Variants in RTN4 observed in about 807,000 individuals in gnomAD.
RTN4 encodes the protein reticulon-4.
A neutral mutation model predicts 90.4 loss-of-function variants in RTN4; 32 were observed. That is an observed-to-expected ratio of 0.35 (90% confidence interval 0.27 to 0.48). The LOEUF is 0.48. RTN4 is among the 20% of genes least tolerant of loss of function. The pLI, the probability that RTN4 is intolerant of heterozygous loss-of-function variation, is 0.99. For synonymous variants in RTN4, 629 were observed against 552.5 expected (o/e 1.14, Z -1.94); for missense variants, 1,706 against 1,430.2 (o/e 1.19, Z -3.11).
chr2:54,986,442 G>A (rs1328575966), intron 4 of RTN4, among the ~76,000 whole-genome samples: 5 of 152,190 alleles, frequency 3.3e-5, no homozygotes, highest in Admixed American at 2.0e-4. Flanking sequence ...ACATGAATGA[G>A]CATGGCTGTG....
At chr2:55,072,160 C>CA (rs1199072471) in intron 2 of RTN4, among the ~76,000 whole-genome samples, 20 of 124,132 alleles carry the variant, frequency 1.6e-4, no homozygotes, top group African/African-American at 2.0e-4. Context: ...TTTTTTTTTT[C>CA]AAAAAAAAAT....
chr2:55,132,947 C>T, the RTN4 span, among the ~76,000 whole-genome samples: 4 of 150,946 alleles, frequency 2.6e-5, no homozygotes, highest in East Asian at 7.8e-4. Flanking sequence ...TGTGGTGGCT[C>T]ACACCTGTAA....
upstream of RTN4, among the ~76,000 whole-genome samples, chr2:55,117,031 G>C (rs959903459): frequency 6.6e-6 from 1 of 151,966 alleles, no homozygotes; most frequent in Non-Finnish European, 1.5e-5. Flanking sequence ...TCGCCACCAT[G>C]CCTGGCTGAT....
intron 2 of RTN4, among the ~76,000 whole-genome samples, chr2:55,074,517 C>CAAAAAAAA (rs778275041): frequency 1.3e-4 from 8 of 59,608 alleles, no homozygotes; most frequent in Non-Finnish European, 2.2e-4. Flanking sequence ...CTGCCCTCAC[C>CAAAAAAAA]AAAAAAAAAA....
intron 3 of RTN4, among the ~76,000 whole-genome samples, chr2:55,004,867 A>G (rs999465234): frequency 2.0e-5 from 3 of 152,168 alleles, no homozygotes; most frequent in African/African-American, 7.2e-5. Flanking sequence ...GGGAAAAAAA[A>G]GTACAAAATG....
chr2:54,975,908 A>C (rs544707791), intron 5 of RTN4, among the ~76,000 whole-genome samples: 2 of 152,346 alleles, frequency 1.3e-5, no homozygotes, highest in South Asian at 4.1e-4. Context: ...TGTCAATTGA[A>C]AAAAAATTTT....
chr2:55,049,626 G>T, intron 1 of RTN4, 119 bp downstream of exon 1: 1 of 1,494,832 alleles, frequency 6.7e-7, no homozygotes, highest in Non-Finnish European at 9.1e-7. Flanking sequence ...TCGCCCCGAA[G>T]TCCGCAGACA....
upstream of RTN4, among the ~76,000 whole-genome samples, chr2:55,115,494 G>A (rs1488943748): frequency 6.6e-6 from 1 of 152,194 alleles, no homozygotes; most frequent in East Asian, 1.9e-4. Context: ...CATCTATGGA[G>A]AGGAGGCACG....
chr2:54,981,975 A>T (rs1443605962), intron 5 of RTN4, among the ~76,000 whole-genome samples: 1 of 151,578 alleles, frequency 6.6e-6, no homozygotes, highest in African/African-American at 2.4e-5. Context: ...TTTTTTTGAG[A>T]CAGAGTTTCA....
chr2:55,069,104 A>C (rs1297477913), intron 2 of RTN4, among the ~76,000 whole-genome samples: 1 of 152,260 alleles, frequency 6.6e-6, no homozygotes, highest in Non-Finnish European at 1.5e-5. Context: ...TGGACCTTGC[A>C]GACTTTCTGA....
At chr2:54,974,191 CTG>C (rs1677406514) in intron 6 of RTN4, 1 of 275,982 alleles carries the variant, frequency 3.6e-6, no homozygotes, top group Non-Finnish European at 6.9e-6. Context: ...TGGTTTATCA[CTG>C]TTTGTTAGTA....
chr2:55,104,844 T>C (rs1667913990), intron 1 of RTN4, among the ~76,000 whole-genome samples: 1 of 152,092 alleles, frequency 6.6e-6, no homozygotes, highest in African/African-American at 2.4e-5. Flanking sequence ...TCTCATTCTG[T>C]CGCCCAGGCT....
chr2:55,116,924 A>G (rs1668136503), upstream of RTN4, among the ~76,000 whole-genome samples: 1 of 127,132 alleles, frequency 7.9e-6, no homozygotes, highest in African/African-American at 3.1e-5. Flanking sequence ...CCCAGGCTGG[A>G]GTGCAGTGGT....
intron 3 of RTN4, among the ~76,000 whole-genome samples, chr2:55,006,805 C>A (rs1174235826): frequency 7.2e-5 from 11 of 152,086 alleles, no homozygotes; most frequent in Non-Finnish European, 4.4e-5. Context: ...ATTCTTTCCC[C>A]CCTTAGTATC....
the RTN4 span, among the ~76,000 whole-genome samples, chr2:55,122,383 T>G: frequency 1.3e-5 from 2 of 152,142 alleles, no homozygotes; most frequent in African/African-American, 4.8e-5. Context: ...CCCACCAAGG[T>G]TTGCACACAT....
intron 2 of RTN4, among the ~76,000 whole-genome samples, chr2:55,071,373 A>G (rs1315643505): frequency 6.6e-6 from 1 of 152,024 alleles, no homozygotes; most frequent in Non-Finnish European, 1.5e-5. Context: ...AAGGAGATGG[A>G]AAAGTGCTTT....
At chr2:55,075,596 A>T (rs2105022293) in intron 2 of RTN4, among the ~76,000 whole-genome samples, 1 of 152,312 alleles carries the variant, frequency 6.6e-6, no homozygotes. Flanking sequence ...ACAATCCTAA[A>T]ATTCATATGG....
rs200633765 is a variant in RTN4, at chr2:55,008,142, AACACACAC to A, written c.3013+16936_3013+16943del. On this transcript the variant is annotated intron_variant, in intron 3 of 8. Coordinates refer to ENST00000337526, the MANE Select transcript of RTN4 (RefSeq NM_020532.5). ...TTAAATACCAGTTAATCGGCAAGCA[AACACACAC>A]ACACACACACACACACACACACACA... 1.3e-4 allele frequency among the ~76,000 whole-genome samples: 19 copies of A among 145,116 alleles called. 1 individual carries two copies. Among genetic ancestry groups the A allele is most frequent in the South Asian group, 8.9e-4 (4 of 4,472 alleles).
At chr2:55,085,538 C>G (rs1017592765) in intron 1 of RTN4, among the ~76,000 whole-genome samples, 1 of 152,148 alleles carries the variant, frequency 6.6e-6, no homozygotes, top group African/African-American at 2.4e-5. Flanking sequence ...TGCCCACCCT[C>G]ATAATAAAGG....
Sources: gnomAD v4.1 joint callset for allele counts (sites outside exome capture counted in the v4.1 genomes callset) on GRCh38, gnomAD v4.1.1 for gene constraint, MANE v1.5 for transcripts, NCBI Gene and HGNC (gene_info 2026-07-23, HGNC 2026-07-21) for gene names.